The following CD1B variants were observed in gnomAD, a reference collection of about 807,000 sequenced individuals.
The protein encoded by CD1B is T-cell surface glycoprotein CD1b.
Under a neutral mutation model 39.8 loss-of-function variants are expected in CD1B, and 43 were observed. The ratio of observed to expected loss-of-function variants is 1.08; its 90% CI spans 0.85 to 1.39. CD1B has a LOEUF of 1.39. CD1B is among the 40% of genes most tolerant of loss of function. The pLI, the probability that CD1B is intolerant of heterozygous loss-of-function variation, is 0.00. For missense variants in CD1B, 495 were observed against 403.8 expected, an observed-to-expected ratio of 1.23 and a Z score of -1.94; for synonymous variants, 192 against 152.5, an observed-to-expected ratio of 1.26 and a Z score of -1.91.
chr1:158,331,344 C>A lies in CD1B; in HGVS notation c.61+19G>T. On this transcript the variant is annotated intron_variant, in intron 1 of 5. Transcript: ENST00000368168. ...CAAACCCCTGCACCAGTGCTGGGAG[C>A]TGCCAGAGTGACTCTTACCATGTTC... 6.2e-7 allele frequency: 1 copy of A among 1,609,980 alleles called. No individual in the cohort carries two copies. Among genetic ancestry groups the A allele is most frequent in the South Asian group, 1.1e-5 (1 of 90,996 alleles).
Position 158,330,779 on chromosome 1 carries a change from C to A in CD1B, c.328+17G>T. ...AGAGTCCTTGAGACTCTTCCCAGTT[C>A]GGTGGACTAGACTCACATTTCATCT... is the stretch of plus-strand genomic sequence containing the variant. On this transcript the variant is annotated intron_variant, in intron 2 of 5. Transcript: ENST00000368168. 1.9e-6 allele frequency: 3 copies of A among 1,613,240 alleles called. No individual in the cohort carries two copies. The highest frequency in any genetic ancestry group is 1.7e-6 in the Non-Finnish European group (2 of 1,179,298).
At position 158,330,003 on chromosome 1, in the gene CD1B, G is replaced by C; in HGVS notation, c.456C>G (p.Ser152=). The C allele has an allele frequency of 6.2e-7, 1 of 1,614,010 alleles. No homozygotes were observed. The highest frequency in any genetic ancestry group is 8.5e-7 in the Non-Finnish European group (1 of 1,179,982). ...LSVKNASCVP[S]PEGGSRAQKF... is the part of the protein sequence containing the mutation. ...TCTGTGCCCTGCTGCCACCTTCTGG[G>C]GAAGGCACACATGAAGCATTCTTGA... The change falls in exon 3 of 6, where the codon TCC becomes TCG. Residue 152 remains serine, a synonymous_variant. Transcript: ENST00000368168.
At chr1:158,300,849 C>T in the CD1B span, among the ~76,000 whole-genome samples, 2 of 149,946 alleles carry the variant, frequency 1.3e-5, no homozygotes, top group African/African-American at 4.9e-5. Context: ...AGCTCTTCCT[C>T]CTGTGTTCAT....
rs1652467120 is a variant in CD1B at position 158,328,916 on chromosome 1, C to T, written c.980+5G>A. ...AAAAAAAAAACAACACCACCCACAA[C>T]TCACCGGCGCCTCATATACCATAAT... On this transcript the variant is annotated splice_donor_5th_base_variant and intron_variant, in intron 5 of 5. Transcript: ENST00000368168. The T allele has an allele frequency of 1.3e-6, 2 of 1,590,390 alleles. No homozygotes were observed. Among genetic ancestry groups the T allele is most frequent in the East Asian group, 4.5e-5 (2 of 44,674 alleles).
At chr1:158,317,152 G>A in the CD1B span, among the ~76,000 whole-genome samples, 23 of 152,024 alleles carry the variant, frequency 1.5e-4, no homozygotes, top group Admixed American at 9.8e-4. Flanking sequence ...GCCCGGCTTT[G>A]GTATCAGAAT....
At chr1:158,294,680 A>G in the CD1B span, among the ~76,000 whole-genome samples, 1 of 152,236 alleles carries the variant, frequency 6.6e-6, no homozygotes, top group Non-Finnish European at 1.5e-5. Context: ...ACAACCTGGC[A>G]TTCTTGCAAC....
the CD1B span, chr1:158,293,135 A>T: frequency 2.6e-6 from 3 of 1,172,578 alleles, no homozygotes; most frequent in South Asian, 4.0e-5. Context: ...GCATATGTTA[A>T]GTAAGGAAAT....
chr1:158,327,200 T>C (rs1229104976), downstream of CD1B, among the ~76,000 whole-genome samples: 1 of 152,144 alleles, frequency 6.6e-6, no homozygotes, highest in African/African-American at 2.4e-5. Context: ...TACAAACCTC[T>C]TGCTAGCTAC....
the CD1B span, among the ~76,000 whole-genome samples, chr1:158,298,229 C>A: frequency 6.6e-6 from 1 of 152,094 alleles, no homozygotes; most frequent in Non-Finnish European, 1.5e-5. Context: ...AACACAGGAG[C>A]ACACAGGTTC....
chr1:158,330,557 C>T, intron 2 of CD1B: 2 of 682,000 alleles, frequency 2.9e-6, no homozygotes, highest in Non-Finnish European at 5.4e-6. Context: ...GACAAACCAG[C>T]AGCTGGTTAC....
the CD1B span, among the ~76,000 whole-genome samples, chr1:158,316,591 T>C: frequency 1.3e-5 from 2 of 151,720 alleles, no homozygotes; most frequent in Non-Finnish European, 2.9e-5. Flanking sequence ...TATACAATCA[T>C]GTCGTCTGCA....
chr1:158,321,072 G>C, the CD1B span, among the ~76,000 whole-genome samples: 1 of 152,124 alleles, frequency 6.6e-6, no homozygotes, highest in Admixed American at 6.6e-5. Flanking sequence ...TATTCTGTCT[G>C]GATTATCTGT....
At position 158,330,793 on chromosome 1, in the gene CD1B, C is replaced by CA; in HGVS notation, c.328+2dup. ...TCTTCCCAGTTCGGTGGACTAGACT[C>CA]ACATTTCATCTGGAAATCACCGGCA... is the stretch of plus-strand genomic sequence containing the variant. On this transcript the variant is annotated splice_region_variant and intron_variant, in intron 2 of 5. Coordinates refer to ENST00000368168, the MANE Select transcript of CD1B (RefSeq NM_001764.3). 1 of 1,614,060 alleles carries CA rather than the reference C, an allele frequency of 6.2e-7. No individual in the cohort carries two copies. Among genetic ancestry groups the CA allele is most frequent in the Non-Finnish European group, 8.5e-7 (1 of 1,179,964 alleles).
the CD1B span, among the ~76,000 whole-genome samples, chr1:158,319,513 A>G: frequency 3.9e-5 from 6 of 152,314 alleles, no homozygotes; most frequent in African/African-American, 9.6e-5. Flanking sequence ...TGTCAGCTCC[A>G]TCACTCCTTT....
the CD1B span, among the ~76,000 whole-genome samples, chr1:158,309,928 A>C: frequency 6.6e-6 from 1 of 152,010 alleles, no homozygotes; most frequent in Non-Finnish European, 1.5e-5. Context: ...ACATGTATAC[A>C]TATGTAACTA....
chr1:158,293,653 T>A, the CD1B span: 1 of 1,449,946 alleles, frequency 6.9e-7, no homozygotes, highest in Middle Eastern at 1.7e-4. Context: ...AATCTCCACT[T>A]TTTATATAGC....
In CD1B at chr1:158,331,374, T is replaced by C; in HGVS notation, c.50A>G (p.Asn17Ser). The change falls in exon 1 of 6, where the codon AAC becomes AGC. Residue 17 changes from asparagine to serine, a missense_variant. Transcript: ENST00000368168. ...AGAGTGACTCTTACCATGTTCACTG[T>C]TACCACCAGGAAAGAGAACAGCTAA... ...QLLAVLFPGG[N>S]SEHAFQGPTS... 7 of 1,613,978 alleles carry C rather than the reference T, an allele frequency of 4.3e-6. No individual in the cohort carries two copies. Among genetic ancestry groups the C allele is most frequent in the Non-Finnish European group, 5.9e-6 (7 of 1,179,854 alleles).
rs1436035397 is a variant in CD1B, at chr1:158,329,922, G to A, written c.537C>T (p.Leu179=). The part of the protein sequence containing the change: ...YQGIMETVRI[L]LYETCPRYLL... ...GATATCGGGGGCAGGTTTCATAGAGGAGAATTCTCACAGTTTCCATGATAC... is the reference window on the plus strand; with the variant it reads ...GATATCGGGGGCAGGTTTCATAGAGAAGAATTCTCACAGTTTCCATGATAC... Residue 179 remains leucine, a synonymous_variant, in exon 3 of 6, where the codon CTC becomes CTT. Transcript: ENST00000368168. 7.4e-6 allele frequency: 12 copies of A among 1,614,086 alleles called. No homozygotes were observed. The highest frequency in any genetic ancestry group is 1.0e-5 in the Non-Finnish European group (12 of 1,179,996).
chr1:158,291,318 A>T, the CD1B span: 37 of 1,614,184 alleles, frequency 2.3e-5, no homozygotes, highest in Non-Finnish European at 3.1e-5. Context: ...AAGAGTTGTC[A>T]GACCTAGAGT....
Sources: allele counts gnomAD v4.1 joint callset (sites outside exome capture counted in the v4.1 genomes callset), GRCh38; gene constraint gnomAD v4.1.1; transcripts MANE v1.5; gene names NCBI Gene and HGNC (gene_info 2026-07-23, HGNC 2026-07-21).